ZDHHC20: variants seen among roughly 807,000 people sequenced by gnomAD.
ZDHHC20 encodes palmitoyltransferase ZDHHC20.
Under a neutral mutation model 57.8 loss-of-function variants are expected in ZDHHC20, and 43 were observed. That is an observed-to-expected ratio of 0.74 (90% CI 0.58 to 0.96). ZDHHC20 has a LOEUF of 0.96. Among genes scored for constraint, ZDHHC20 ranks in the 40% least tolerant of loss-of-function variants. The probability of loss-of-function intolerance (pLI) is 0.00; values close to 1 mark genes in which losing one functional copy is unlikely to be tolerated. For missense variants in ZDHHC20, 391 were observed against 441.1 expected (o/e 0.89, Z 1.02); for synonymous variants, 157 against 153.0 (o/e 1.03, Z -0.19).
intron 9 of ZDHHC20, among the ~76,000 whole-genome samples, chr13:21,386,257 G>T (rs1002089710): frequency 6.6e-6 from 1 of 152,176 alleles, no homozygotes; most frequent in Non-Finnish European, 1.5e-5. Flanking sequence ...GATAACATGT[G>T]TAATTGGAGT....
chr13:21,441,264 T>C (rs930917006), intron 1 of ZDHHC20, among the ~76,000 whole-genome samples: 4 of 152,208 alleles, frequency 2.6e-5, no homozygotes, highest in African/African-American at 9.6e-5. Context: ...AAGTCACATT[T>C]TGGGTCTTTT....
rs765051663 is a variant in ZDHHC20, at chr13:21,400,374, G to A, written c.593C>T (p.Thr198Met). Residue 198 changes from threonine (T) to methionine (M), a missense_variant and splice_region_variant, in exon 7 of 13, where the codon ACG (threonine) becomes ATG (methionine). Thr to Met is a moderately conservative substitution (Grantham distance 81, BLOSUM62 -1). Around this residue, in one of 3 missense-constraint regions of ZDHHC20, gnomAD observed 197 missense variants for 220.8 expected, o/e 0.89. Transcript: ENST00000400590. The part of the protein sequence containing the change: ...TVLEYFIKFW[T>M]NELTDTRAKF... ...TTCAAGATAGAAAAAAAGACTTACC[G>A]TCCAAAATTTTATAAAGTACTCTAA... 2.4e-5 allele frequency: 38 copies of A among 1,579,430 alleles called. No individual in the cohort carries two copies. In the East Asian group the frequency reaches 2.7e-4, roughly 11 times the overall value.
Position 21,387,563 on chromosome 13 carries a change from A to G in ZDHHC20, c.799T>C (p.Trp267Arg). The change falls in exon 9 of 13, where the codon TGG becomes CGG. Residue 267 changes from tryptophan (W) to arginine (R), a missense_variant. This residue lies in a region of ZDHHC20 where 197 missense variants were observed against 220.8 expected (regional missense o/e 0.89). Transcript: ENST00000400590. ...NGFSLGCSKNWRQVFGDEKKY... is the reference protein window; with the variant it reads ...NGFSLGCSKNRRQVFGDEKKY... ...TTTTCATCACCAAAGACTTGTCTCC[A>G]ATTTTTACTGCATCCAAGAGAGAAA... 1 of 1,531,190 alleles carries G rather than the reference A, an allele frequency of 6.5e-7. No homozygotes were observed. The highest frequency in any genetic ancestry group is 8.8e-7 in the Non-Finnish European group (1 of 1,136,388). 94.9% of individuals were successfully genotyped at this position (1,531,190 alleles called of 1,614,324 possible). A position where few individuals can be genotyped will look rare whatever the true frequency, so the allele number is the denominator to read the frequency against.
rs1878559959 is a variant in ZDHHC20 at position 21,407,123 on chromosome 13, G to A, written c.371-4257C>T. Reference sequence around the variant, plus strand: ...CCTGCCTCAGCCTCTTGAGTAGCTGGGATTACAGGTGCCCGCCACCAGGTC... The same window carrying A: ...CCTGCCTCAGCCTCTTGAGTAGCTGAGATTACAGGTGCCCGCCACCAGGTC... On this transcript the variant is annotated intron_variant, in intron 4 of 12. Coordinates refer to ENST00000400590, the MANE Select transcript of ZDHHC20 (RefSeq NM_001330059.2). Among the ~76,000 whole-genome samples, 4 of 152,186 alleles carry A rather than the reference G, an allele frequency of 2.6e-5. No individual in the cohort carries two copies. In the South Asian group the frequency reaches 8.3e-4, roughly 32 times the overall value.
At chr13:21,378,854 G>GC in intron 11 of ZDHHC20, 116 bp from the exon 12 acceptor site, 1 of 480,180 alleles carries the variant, frequency 2.1e-6, no homozygotes, top group Non-Finnish European at 3.5e-6. Flanking sequence ...TACAAAATAG[G>GC]CTTATGGTGT....
chr13:21,410,403 T>A (rs1351093225), intron 4 of ZDHHC20, among the ~76,000 whole-genome samples: 2 of 152,344 alleles, frequency 1.3e-5, no homozygotes, highest in Middle Eastern at 3.4e-3. Flanking sequence ...GGTGATCAGC[T>A]GCTCTCTTCA....
At chr13:21,428,049 T>G (rs8002383) in intron 1 of ZDHHC20, among the ~76,000 whole-genome samples, 26,368 of 151,930 alleles carry the variant, frequency 0.17, 2,807 homozygotes, top group Non-Finnish European at 0.25. Flanking sequence ...GGACATGACT[T>G]TTTCACCAGC....
intron 8 of ZDHHC20, among the ~76,000 whole-genome samples, chr13:21,389,910 C>A (rs888051617): frequency 6.6e-6 from 1 of 152,066 alleles, no homozygotes; most frequent in Non-Finnish European, 1.5e-5. Context: ...TGTAGGCTGC[C>A]TTTTTATCAT....
intron 4 of ZDHHC20, among the ~76,000 whole-genome samples, chr13:21,409,782 C>G (rs1878962968): frequency 6.6e-6 from 1 of 152,116 alleles, no homozygotes; most frequent in Non-Finnish European, 1.5e-5. Context: ...GTTAGCAGTT[C>G]CCATATCTTT....
At chr13:21,403,157 T>A (rs1477144826) in intron 4 of ZDHHC20, among the ~76,000 whole-genome samples, 1 of 152,168 alleles carries the variant, frequency 6.6e-6, no homozygotes, top group Non-Finnish European at 1.5e-5. Context: ...GTAGCAGAAC[T>A]AGACCAGAAC....
rs896943513 is a variant in ZDHHC20, at chr13:21,404,445, A to G, written c.371-1579T>C. On this transcript the variant is annotated intron_variant, in intron 4 of 12. Transcript: ENST00000400590. The stretch of plus-strand genomic sequence containing the variant: ...TAATATGGAAAAATACAAGGACATT[A>G]CATGGAAAAAAAGGAATTCAGGGCT... 35 of 446,362 alleles carry G rather than the reference A, an allele frequency of 7.8e-5. 1 individual carries two copies. Among genetic ancestry groups the G allele is most frequent in the Non-Finnish European group, 3.6e-5 (8 of 221,182 alleles). The allele number at this position is 446,362 out of a possible 1,614,324, so 27.7% of individuals were successfully genotyped here. A position where few individuals can be genotyped will look rare whatever the true frequency, so the allele number is the denominator to read the frequency against.
At chr13:21,423,346 T>G (rs1010028385) in intron 2 of ZDHHC20, among the ~76,000 whole-genome samples, 2 of 152,322 alleles carry the variant, frequency 1.3e-5, no homozygotes, top group South Asian at 4.1e-4. Context: ...TCAGTTCCCT[T>G]CAGGTTGAAC....
At chr13:21,419,020 C>T (rs1880338615) in intron 3 of ZDHHC20, among the ~76,000 whole-genome samples, 1 of 152,098 alleles carries the variant, frequency 6.6e-6, no homozygotes, top group South Asian at 2.1e-4. Context: ...AAAAGTACTA[C>T]CAATTATTTT....
intron 4 of ZDHHC20, among the ~76,000 whole-genome samples, chr13:21,412,540 G>A (rs186150501): frequency 3.4e-4 from 52 of 152,208 alleles, no homozygotes; most frequent in African/African-American, 7.9e-4. Context: ...AGAGGAAAGC[G>A]TTTCAAGAAG....
At chr13:21,397,251 AG>A (rs1484888481) in intron 7 of ZDHHC20, among the ~76,000 whole-genome samples, 1 of 151,892 alleles carries the variant, frequency 6.6e-6, no homozygotes, top group Non-Finnish European at 1.5e-5. Context: ...ACTTGAACCC[AG>A]GAAGTGGAGG....
At chr13:21,392,287 T>C (rs1384098476) in intron 7 of ZDHHC20, among the ~76,000 whole-genome samples, 7 of 152,130 alleles carry the variant, frequency 4.6e-5, no homozygotes, top group Admixed American at 3.9e-4. Flanking sequence ...CAACAAATTT[T>C]CTTTTGTACT....
At chr13:21,395,908 A>G (rs1156860128) in intron 7 of ZDHHC20, among the ~76,000 whole-genome samples, 1 of 151,860 alleles carries the variant, frequency 6.6e-6, no homozygotes, top group Non-Finnish European at 1.5e-5. Context: ...ACAGCAAACC[A>G]CTCACCCAGG....
rs963252300 is a variant in ZDHHC20 at position 21,372,950 on chromosome 13, CAAAAT to C, written c.*3741_*3745del. 6.6e-6 allele frequency: 1 copy of C among 152,100 alleles called. No homozygotes were observed. The highest frequency in any genetic ancestry group is 2.4e-5 in the African/African-American group (1 of 41,424). The allele number at this position is 152,100 out of a possible 1,614,324, so 9.4% of individuals were successfully genotyped here. A position where few individuals can be genotyped will look rare whatever the true frequency, so the allele number is the denominator to read the frequency against. Reference sequence around the variant, plus strand: ...TTCCTTGCTTCTTTATGCAACCTAACAAAATAATATAGAATGAAGTCATTAGAAAA... The same window carrying C: ...TTCCTTGCTTCTTTATGCAACCTAACAATATAGAATGAAGTCATTAGAAAA... On this transcript the variant is annotated 3_prime_UTR_variant, in exon 13 of 13. Coordinates refer to ENST00000400590, the MANE Select transcript of ZDHHC20 (RefSeq NM_001330059.2).
chr13:21,395,560 T>C (rs1268570898), intron 7 of ZDHHC20, among the ~76,000 whole-genome samples: 1 of 147,408 alleles, frequency 6.8e-6, no homozygotes. Flanking sequence ...AGTGGCGTGA[T>C]CCGTGATCTT....
Sources: allele counts gnomAD v4.1 joint callset (sites outside exome capture counted in the v4.1 genomes callset), GRCh38; gene constraint gnomAD v4.1.1; regional missense constraint gnomAD v4.1.1; transcripts MANE v1.5; gene names NCBI Gene and HGNC (gene_info 2026-07-23, HGNC 2026-07-21).